EXOC4: variants seen among roughly 807,000 people sequenced by gnomAD.
EXOC4 encodes SEC8-like 1.
EXOC4 carries 71 observed loss-of-function variants against 107.2 expected under a neutral mutation model. That is an observed-to-expected ratio of 0.66 (90% CI 0.55 to 0.81). The LOEUF (loss-of-function observed/expected upper bound fraction) is 0.81. Ranked by LOEUF, EXOC4 falls within the 30% of genes least tolerant of loss-of-function variation. The pLI is 0.00. For synonymous variants in EXOC4, 456 were observed against 441.2 expected, an observed-to-expected ratio of 1.03 and a Z score of -0.42; for missense variants, 1,108 against 1,189.6, an observed-to-expected ratio of 0.93 and a Z score of 1.01.
intron 9 of EXOC4, among the ~76,000 whole-genome samples, chr7:133,524,558 G>A (rs1800043896): frequency 6.9e-6 from 1 of 145,892 alleles, no homozygotes; most frequent in Admixed American, 6.9e-5. Flanking sequence ...TTCTTCTAGG[G>A]TTTTTATGGT....
At chr7:133,649,090 C>T (rs936804152) in intron 10 of EXOC4, among the ~76,000 whole-genome samples, 6 of 152,084 alleles carry the variant, frequency 3.9e-5, no homozygotes, top group African/African-American at 1.2e-4. Flanking sequence ...TTTAGTTGAG[C>T]ATTTTCTTGA....
rs777984052 is a variant in EXOC4, at chr7:133,817,478, C to A, written c.1668C>A (p.Asp556Glu). 6.2e-7 allele frequency: 1 copy of A among 1,614,146 alleles called. No homozygotes were observed. The highest frequency in any genetic ancestry group is 1.3e-5 in the African/African-American group (1 of 75,036). ...KEIEGVTKTS[D>E]PLKILANADT... ...TTGAAGGAGTCACTAAAACATCTGA[C>A]CCTTTGAAGATTCTGGCCAACGCAG... The change falls in exon 11 of 18, where the codon GAC becomes GAA. Residue 556 changes from aspartate (D) to glutamate (E), a missense_variant. Coordinates refer to ENST00000253861, the MANE Select transcript of EXOC4 (RefSeq NM_021807.4).
intron 7 of EXOC4, among the ~76,000 whole-genome samples, chr7:133,402,693 G>A (rs1439192844): frequency 6.6e-6 from 1 of 151,922 alleles, no homozygotes; most frequent in East Asian, 1.9e-4. Flanking sequence ...TAGCAGAGAT[G>A]GGGTTTCACC....
chr7:133,564,469 A>G (rs1173752475), intron 9 of EXOC4, among the ~76,000 whole-genome samples: 1 of 152,202 alleles, frequency 6.6e-6, no homozygotes, highest in Non-Finnish European at 1.5e-5. Context: ...ACGGGAACAC[A>G]GATCCAAACC....
At chr7:133,338,455 C>T (rs376267730) in intron 5 of EXOC4, among the ~76,000 whole-genome samples, 36 of 148,674 alleles carry the variant, frequency 2.4e-4, no homozygotes, top group African/African-American at 5.9e-4. Context: ...TAGCCGGGCG[C>T]GGTGGCGGGC....
chr7:134,013,775 C>T (rs1006807257), intron 17 of EXOC4, among the ~76,000 whole-genome samples: 1 of 151,964 alleles, frequency 6.6e-6, no homozygotes, highest in African/African-American at 2.4e-5. Context: ...TCATATTAAG[C>T]ATGAAAAATG....
At chr7:134,073,682 T>A in the EXOC4 span, among the ~76,000 whole-genome samples, 1 of 151,972 alleles carries the variant, frequency 6.6e-6, no homozygotes, top group East Asian at 1.9e-4. Flanking sequence ...TTTTAATTTT[T>A]AAAAATCAAA....
chr7:133,994,478 T>G (rs1167595419), intron 14 of EXOC4, among the ~76,000 whole-genome samples: 3 of 152,076 alleles, frequency 2.0e-5, no homozygotes, highest in Non-Finnish European at 2.9e-5. Context: ...GAAACAAACC[T>G]GCACGTTCAG....
At chr7:133,316,250 G>T (rs569099989) in intron 4 of EXOC4, among the ~76,000 whole-genome samples, 4 of 152,272 alleles carry the variant, frequency 2.6e-5, no homozygotes, top group African/African-American at 9.6e-5. Flanking sequence ...GGCAGATGTT[G>T]TTCCCAATTG....
At chr7:133,755,313 TTA>T (rs1200877166) in intron 10 of EXOC4, among the ~76,000 whole-genome samples, 91 of 103,158 alleles carry the variant, frequency 8.8e-4, no homozygotes, top group African/African-American at 3.3e-3. Flanking sequence ...TATATATATA[TTA>T]TATATATATA....
intron 6 of EXOC4, among the ~76,000 whole-genome samples, chr7:133,361,056 TAATA>T (rs1796124959): frequency 6.6e-6 from 1 of 152,170 alleles, no homozygotes; most frequent in Non-Finnish European, 1.5e-5. Context: ...ACCTGACCCA[TAATA>T]AATATTTGTT....
intron 11 of EXOC4, among the ~76,000 whole-genome samples, chr7:133,854,767 G>A (rs911381007): frequency 6.7e-6 from 1 of 149,100 alleles, no homozygotes; most frequent in African/African-American, 2.5e-5. Flanking sequence ...ATCTGCTTGG[G>A]TGTATCCTCC....
chr7:133,452,392 A>G (rs1420164652), intron 7 of EXOC4, among the ~76,000 whole-genome samples: 1 of 151,930 alleles, frequency 6.6e-6, no homozygotes, highest in African/African-American at 2.4e-5. Flanking sequence ...GTACCTTAGA[A>G]TCTGAGAAAT....
At chr7:133,335,757 A>G (rs1335650926) in intron 5 of EXOC4, among the ~76,000 whole-genome samples, 1 of 152,196 alleles carries the variant, frequency 6.6e-6, no homozygotes, top group Non-Finnish European at 1.5e-5. Context: ...GGGATCTGCC[A>G]TGCTGTTTTC....
At chr7:133,264,239 A>G (rs977681188) in intron 1 of EXOC4, among the ~76,000 whole-genome samples, 19 of 152,302 alleles carry the variant, frequency 1.2e-4, no homozygotes, top group East Asian at 5.8e-4. Context: ...GAAGTGTTCT[A>G]TAACTGAGTT....
chr7:133,598,992 A>G (rs1801746223), intron 9 of EXOC4, among the ~76,000 whole-genome samples: 2 of 152,122 alleles, frequency 1.3e-5, no homozygotes, highest in African/African-American at 4.8e-5. Context: ...TCCAATAACT[A>G]AATTAATTAA....
intron 11 of EXOC4, among the ~76,000 whole-genome samples, chr7:133,840,764 A>G (rs1798009867): frequency 6.6e-6 from 1 of 152,158 alleles, no homozygotes; most frequent in Admixed American, 6.5e-5. Flanking sequence ...TACAGGCGTG[A>G]GCCACTACGC....
intron 7 of EXOC4, among the ~76,000 whole-genome samples, chr7:133,383,935 G>A (rs1205174477): frequency 1.3e-5 from 2 of 152,128 alleles, no homozygotes; most frequent in African/African-American, 4.8e-5. Flanking sequence ...CTCGTCAGTG[G>A]ATAATATGCT....
At chr7:133,959,754 G>A (rs1800898382) in intron 14 of EXOC4, among the ~76,000 whole-genome samples, 3 of 151,780 alleles carry the variant, frequency 2.0e-5, no homozygotes, top group Admixed American at 6.6e-5. Flanking sequence ...AAAAGAAGCA[G>A]AAAAGCAATG....
Sources: allele counts gnomAD v4.1 joint callset (sites outside exome capture counted in the v4.1 genomes callset), GRCh38; gene constraint gnomAD v4.1.1; transcripts MANE v1.5; gene names NCBI Gene and HGNC (gene_info 2026-07-23, HGNC 2026-07-21).